CREBBP: variants seen among roughly 807,000 people sequenced by gnomAD.
The protein encoded by CREBBP is CREB binding lysine acetyltransferase, also known as CREB-binding protein.
CREBBP carries 19 observed loss-of-function variants against 265.0 expected under a neutral mutation model. The observed-to-expected ratio is 0.07, with a 90% confidence interval of 0.05 to 0.11. The LOEUF is 0.11. CREBBP is among the 10% of genes least tolerant of loss of function. CREBBP has a pLI of 1.00. For synonymous variants in CREBBP, 1,457 were observed against 1,223.7 expected (o/e 1.19, Z -3.98); for missense variants, 2,525 against 3,219.0 (o/e 0.78, Z 5.22).
intron 23 of CREBBP, chr16:3,742,499 G>C (rs1156826877): frequency 6.6e-6 from 1 of 152,100 alleles, no homozygotes; most frequent in Non-Finnish European, 1.5e-5. Flanking sequence ...CATCCATGGC[G>C]CATGACAGGG....
chr16:3,774,767 C>A, intron 11 of CREBBP, 74 bp from the exon 12 acceptor site: 1 of 1,588,618 alleles, frequency 6.3e-7, no homozygotes, highest in Non-Finnish European at 8.6e-7. Flanking sequence ...GCTAAATAAA[C>A]TCTTAAGTAA....
chr16:3,864,227 G>A (rs977423104), intron 1 of CREBBP, among the ~76,000 whole-genome samples: 1 of 152,216 alleles, frequency 6.6e-6, no homozygotes, highest in African/African-American at 2.4e-5. Flanking sequence ...AAGAAGTCAA[G>A]AAAGGGGGAA....
At chr16:3,791,954 A>C in intron 5 of CREBBP, 27 bp downstream of exon 5, 1 of 1,558,896 alleles carries the variant, frequency 6.4e-7, no homozygotes, top group Non-Finnish European at 8.9e-7. Flanking sequence ...CTCATCTCCA[A>C]GCTTCTCTGC....
intron 1 of CREBBP, among the ~76,000 whole-genome samples, chr16:3,874,412 T>C (rs2055359015): frequency 6.6e-6 from 1 of 152,158 alleles, no homozygotes; most frequent in African/African-American, 2.4e-5. Context: ...GAGAATGAAG[T>C]CCCACGTTAT....
At chr16:3,808,519 CA>C (rs1277832240) in intron 3 of CREBBP, among the ~76,000 whole-genome samples, 2 of 152,216 alleles carry the variant, frequency 1.3e-5, no homozygotes, top group East Asian at 3.8e-4. Flanking sequence ...AGCCCTGCTG[CA>C]GGTGAAGGGA....
intron 1 of CREBBP, among the ~76,000 whole-genome samples, chr16:3,865,841 T>A (rs1163147578): frequency 6.6e-6 from 1 of 152,186 alleles, no homozygotes; most frequent in Non-Finnish European, 1.5e-5. Context: ...TTTCACCATG[T>A]TGGCCAGGAC....
At chr16:3,761,567 C>G (rs1199565966) in intron 16 of CREBBP, 2 of 518,616 alleles carry the variant, frequency 3.9e-6, no homozygotes, top group Middle Eastern at 3.2e-4. Context: ...GCCCAGGATA[C>G]AGACTCTTGA....
chr16:3,865,521 C>T (rs1261156178), intron 1 of CREBBP, among the ~76,000 whole-genome samples: 1 of 152,182 alleles, frequency 6.6e-6, no homozygotes, highest in Non-Finnish European at 1.5e-5. Context: ...TGGAAGACAG[C>T]ACTACTTCCA....
At chr16:3,844,515 A>G (rs1156633787) in intron 2 of CREBBP, among the ~76,000 whole-genome samples, 1 of 152,234 alleles carries the variant, frequency 6.6e-6, no homozygotes, top group African/African-American at 2.4e-5. Flanking sequence ...CCCAATTTTA[A>G]AAGAAATATA....
intron 2 of CREBBP, among the ~76,000 whole-genome samples, chr16:3,832,144 A>G (rs1301324940): frequency 6.6e-6 from 1 of 152,232 alleles, no homozygotes; most frequent in Non-Finnish European, 1.5e-5. Context: ...AAATTTGAAT[A>G]GCTAATACCT....
intron 2 of CREBBP, among the ~76,000 whole-genome samples, chr16:3,832,127 A>C (rs756592975): frequency 4.6e-5 from 7 of 152,176 alleles, no homozygotes; most frequent in African/African-American, 1.4e-4. Context: ...TTAGCACAAG[A>C]AGCAGAAAAT....
chr16:3,792,519 A>G (rs2053526243), intron 4 of CREBBP, among the ~76,000 whole-genome samples: 1 of 152,252 alleles, frequency 6.6e-6, no homozygotes, highest in Non-Finnish European at 1.5e-5. Context: ...AGAAGTCTGT[A>G]GAGATTCTGA....
intron 2 of CREBBP, among the ~76,000 whole-genome samples, chr16:3,829,364 A>C (rs558054392): frequency 2.0e-5 from 3 of 152,296 alleles, no homozygotes; most frequent in African/African-American, 7.2e-5. Flanking sequence ...ATATATCATA[A>C]TGTTACGTTC....
At chr16:3,790,241 T>C (rs566400191) in intron 5 of CREBBP, among the ~76,000 whole-genome samples, 132 of 152,218 alleles carry the variant, frequency 8.7e-4, no homozygotes, top group Middle Eastern at 3.4e-3. Flanking sequence ...CTGTCCCAAA[T>C]ATCTGGTTCT....
intron 11 of CREBBP, among the ~76,000 whole-genome samples, chr16:3,775,721 T>C (rs913605305): frequency 6.6e-6 from 1 of 152,182 alleles, no homozygotes. Flanking sequence ...AAATCTGTAT[T>C]TACCCAGATG....
chr16:3,749,735 G>A (rs1596835297), intron 20 of CREBBP, 52 bp from the exon 21 acceptor site: 1 of 1,215,204 alleles, frequency 8.2e-7, no homozygotes. Flanking sequence ...TATCTGTTGA[G>A]TATAAACTAT....
chr16:3,775,017 G>C (rs2053103650), intron 11 of CREBBP, among the ~76,000 whole-genome samples: 1 of 152,162 alleles, frequency 6.6e-6, no homozygotes, highest in Non-Finnish European at 1.5e-5. Context: ...AGAGGGCACA[G>C]TACCAAAGTG....
intron 2 of CREBBP, among the ~76,000 whole-genome samples, chr16:3,839,004 T>G (rs79754142): frequency 0.011 from 1,700 of 152,376 alleles, 16 homozygotes; most frequent in Non-Finnish European, 0.018. Flanking sequence ...AGTAAACCTA[T>G]GCATATACTA....
chr16:3,880,096 C>A lies in CREBBP; in HGVS notation c.-180G>T. The stretch of plus-strand genomic sequence containing the variant: ...GGTGGGGGAGGCGGCGGCCAAATCT[C>A]AGCCACAGCAACAGCGCCCCGCAGC... On this transcript the variant is annotated 5_prime_UTR_variant, in exon 1 of 31. Transcript: ENST00000262367. 3.7e-6 allele frequency: 1 copy of A among 273,070 alleles called. No homozygotes were observed. Among genetic ancestry groups the A allele is most frequent in the South Asian group, 1.4e-4 (1 of 7,072 alleles). The allele number at this position is 273,070 out of a possible 1,614,324, so 16.9% of individuals were successfully genotyped here. A position where few individuals can be genotyped will look rare whatever the true frequency, so the allele number is the denominator to read the frequency against.
Sources: gnomAD v4.1 joint callset for allele counts (sites outside exome capture counted in the v4.1 genomes callset) on GRCh38, gnomAD v4.1.1 for gene constraint, MANE v1.5 for transcripts, NCBI Gene and HGNC (gene_info 2026-07-23, HGNC 2026-07-21) for gene names.